ATP2B2: variants seen among roughly 807,000 people sequenced by gnomAD.
ATP2B2 encodes ATPase plasma membrane Ca2+ transporting 2.
ATP2B2 carries 15 observed loss-of-function variants against 120.0 expected under a neutral mutation model. The observed-to-expected ratio is 0.12, with a 90% CI of 0.08 to 0.19. ATP2B2 has a LOEUF of 0.19. Ranked by LOEUF, ATP2B2 falls within the 10% of genes least tolerant of loss-of-function variation. ATP2B2 has a pLI of 1.00. For synonymous variants in ATP2B2, 694 were observed against 700.3 expected, an observed-to-expected ratio of 0.99 and a Z score of 0.14; for missense variants, 1,045 against 1,719.8, an observed-to-expected ratio of 0.61 and a Z score of 6.94.
At chr3:10,520,683 T>C (rs913025607) in intron 3 of ATP2B2, among the ~76,000 whole-genome samples, 6 of 151,998 alleles carry the variant, frequency 3.9e-5, no homozygotes, top group South Asian at 2.1e-4. Flanking sequence ...CTTGAACTCC[T>C]AATCTCAAGT....
intron 1 of ATP2B2, among the ~76,000 whole-genome samples, chr3:10,658,169 C>T (rs6802824): frequency 6.6e-6 from 1 of 152,084 alleles, no homozygotes; most frequent in South Asian, 2.1e-4. Flanking sequence ...AAAGCTGAAA[C>T]TTCTAAAAAT....
At chr3:10,364,173 A>C (rs1222758938) in intron 12 of ATP2B2, among the ~76,000 whole-genome samples, 1 of 152,220 alleles carries the variant, frequency 6.6e-6, no homozygotes, top group Non-Finnish European at 1.5e-5. Flanking sequence ...GAGTTACTGG[A>C]GCAGTCAGAT....
chr3:10,470,837 C>T (rs2064954601), intron 1 of ATP2B2, among the ~76,000 whole-genome samples: 1 of 152,112 alleles, frequency 6.6e-6, no homozygotes, highest in African/African-American at 2.4e-5. Flanking sequence ...GCCACTGGAC[C>T]TGTCCCTCAG....
At chr3:10,419,200 T>G (rs1415428818) in intron 2 of ATP2B2, among the ~76,000 whole-genome samples, 2 of 152,250 alleles carry the variant, frequency 1.3e-5, no homozygotes, top group African/African-American at 4.8e-5. Context: ...GTGCTGAGGT[T>G]GTCCAGAAGC....
intron 6 of ATP2B2, among the ~76,000 whole-genome samples, chr3:10,386,761 C>A (rs2061693147): frequency 6.6e-6 from 1 of 152,194 alleles, no homozygotes; most frequent in South Asian, 2.1e-4. Context: ...ACTGCTCCCC[C>A]AGGCTTCCTC....
chr3:10,659,237 C>T (rs972094891), intron 1 of ATP2B2, among the ~76,000 whole-genome samples: 4 of 152,176 alleles, frequency 2.6e-5, no homozygotes, highest in Non-Finnish European at 5.9e-5. Context: ...CAAATTCACA[C>T]ATAACAATAT....
intron 1 of ATP2B2, among the ~76,000 whole-genome samples, chr3:10,455,936 CAGG>C (rs2064241527): frequency 6.6e-6 from 1 of 152,204 alleles, no homozygotes; most frequent in Non-Finnish European, 1.5e-5. Flanking sequence ...CTTCAGAATC[CAGG>C]AGAACATTCT....
chr3:10,408,686 G>A (rs192248395), intron 3 of ATP2B2, among the ~76,000 whole-genome samples: 3 of 152,294 alleles, frequency 2.0e-5, no homozygotes, highest in Non-Finnish European at 2.9e-5. Context: ...TCTGGGCCTT[G>A]GTTTCTGAAT....
chr3:10,490,688 C>G (rs585883), intron 1 of ATP2B2, among the ~76,000 whole-genome samples: 1 of 152,022 alleles, frequency 6.6e-6, no homozygotes, highest in Non-Finnish European at 1.5e-5. Context: ...TGTGAGCCAC[C>G]GCGCCCAGCA....
At chr3:10,532,607 T>C (rs2067233568) in intron 3 of ATP2B2, among the ~76,000 whole-genome samples, 1 of 152,248 alleles carries the variant, frequency 6.6e-6, no homozygotes, top group Non-Finnish European at 1.5e-5. Context: ...TTCTGTTCTG[T>C]ATTATGGGTC....
chr3:10,619,413 C>T (rs1472128423), intron 2 of ATP2B2, among the ~76,000 whole-genome samples: 4 of 152,198 alleles, frequency 2.6e-5, no homozygotes, highest in Non-Finnish European at 5.9e-5. Flanking sequence ...CCTCAGTGGA[C>T]TGACCTCAGG....
intron 11 of ATP2B2, among the ~76,000 whole-genome samples, chr3:10,374,627 G>A (rs1203029954): frequency 6.6e-6 from 1 of 152,194 alleles, no homozygotes; most frequent in Non-Finnish European, 1.5e-5. Flanking sequence ...ATGGGGCAAA[G>A]GGAAGAAAAT....
rs188042692 is a variant in ATP2B2 at position 10,433,343 on chromosome 3, G to T, written c.199+16002C>A. Among the ~76,000 whole-genome samples the T allele has an allele frequency of 2.6e-3, 394 of 152,266 alleles. 3 individuals carry two copies. The highest frequency in any genetic ancestry group is 0.014 in the Admixed American group (207 of 15,296). ...TTTACTGGACACTCAGTGGCCTCTT[G>T]GGACTTGGCTTTCGCCCAGCTGACA... On this transcript the variant is annotated intron_variant, in intron 2 of 22. Coordinates refer to ENST00000360273, the MANE Select transcript of ATP2B2 (RefSeq NM_001001331.4).
chr3:10,670,822 T>G (rs1206421774), intron 1 of ATP2B2, among the ~76,000 whole-genome samples: 1 of 152,144 alleles, frequency 6.6e-6, no homozygotes, highest in Non-Finnish European at 1.5e-5. Context: ...ACATAGGAGG[T>G]GCAGCCAGAA....
intron 1 of ATP2B2, among the ~76,000 whole-genome samples, chr3:10,463,652 C>A (rs1043634407): frequency 1.3e-5 from 2 of 152,220 alleles, no homozygotes; most frequent in Non-Finnish European, 2.9e-5. Context: ...CACAGTGTTA[C>A]ACAGTGGCCC....
intron 14 of ATP2B2, among the ~76,000 whole-genome samples, chr3:10,355,214 G>A (rs2060681658): frequency 6.6e-6 from 1 of 152,192 alleles, no homozygotes; most frequent in South Asian, 2.1e-4. Context: ...ACCCTGCTGT[G>A]TCCCTCACTG....
At chr3:10,663,077 CA>C (rs1319163036) in intron 1 of ATP2B2, among the ~76,000 whole-genome samples, 4 of 121,904 alleles carry the variant, frequency 3.3e-5, no homozygotes, top group African/African-American at 1.3e-4. Context: ...GAACATCACA[CA>C]CCGGGGCCTG....
intron 1 of ATP2B2, among the ~76,000 whole-genome samples, chr3:10,660,132 A>T (rs1219966239): frequency 6.6e-6 from 1 of 152,258 alleles, no homozygotes; most frequent in South Asian, 2.1e-4. Flanking sequence ...CTAAATGCCC[A>T]TAAGAGAAAT....
chr3:10,555,923 G>T (rs146836061), intron 2 of ATP2B2, among the ~76,000 whole-genome samples: 54 of 152,286 alleles, frequency 3.5e-4, no homozygotes, highest in African/African-American at 1.3e-3. Flanking sequence ...TTTGGAGATG[G>T]AGTCTTGCTC....
Sources: allele counts gnomAD v4.1 joint callset (sites outside exome capture counted in the v4.1 genomes callset), GRCh38; gene constraint gnomAD v4.1.1; transcripts MANE v1.5; gene names NCBI Gene and HGNC (gene_info 2026-07-23, HGNC 2026-07-21).